ADAM7: variants seen among roughly 807,000 people sequenced by gnomAD.
ADAM7 encodes the protein disintegrin and metalloproteinase domain-containing protein 7.
A neutral mutation model predicts 102.9 loss-of-function variants in ADAM7; 97 were observed. That is an observed-to-expected ratio of 0.94 (90% CI 0.80 to 1.12). ADAM7 has a LOEUF of 1.12. Among genes scored for constraint, ADAM7 ranks in the 50% most tolerant of loss-of-function variants. ADAM7 has a pLI of 0.00. For missense variants in ADAM7, 991 were observed against 908.7 expected (o/e 1.09, Z -1.16); for synonymous variants, 334 against 304.4 (o/e 1.10, Z -1.01).
chr8:24,500,533 G>A (rs890546234), intron 18 of ADAM7, among the ~76,000 whole-genome samples: 3 of 152,114 alleles, frequency 2.0e-5, no homozygotes, highest in African/African-American at 7.2e-5. Context: ...GTTATTAACT[G>A]ACAATCAAAA....
rs114562351 is a variant in ADAM7 at position 24,462,032 on chromosome 8, T to C, written c.234-1850T>C. On this transcript the variant is annotated intron_variant, in intron 3 of 21. Coordinates refer to ENST00000175238, the MANE Select transcript of ADAM7 (RefSeq NM_003817.4). ...TAGTTCAATGTTTCATGTTTCTTCA[T>C]TGTGTAAATTTGAATTATGAACTGA... is the stretch of plus-strand genomic sequence containing the variant. Among the ~76,000 whole-genome samples the C allele has an allele frequency of 5.8e-3, 890 of 152,334 alleles. 10 individuals are homozygous for C. The highest frequency in any genetic ancestry group is 0.02 in the African/African-American group (847 of 41,568).
rs1413397708 is a variant in ADAM7, at chr8:24,490,861, A to G, written c.1329A>G (p.Ala443=). ...TACTGAAGCCAGGATTTACTTGTGC[A>G]GAAGGAGAATGCTGTGAATCTTGTC... ...TCVLKPGFTC[A]EGECCESCQI... The change falls in exon 13 of 22, where the codon GCA becomes GCG. Residue 443 remains alanine (A), a synonymous_variant. Coordinates refer to ENST00000175238, the MANE Select transcript of ADAM7 (RefSeq NM_003817.4). 5 of 1,613,696 alleles carry G rather than the reference A, an allele frequency of 3.1e-6. No individual in the cohort carries two copies. The highest frequency in any genetic ancestry group is 4.2e-6 in the Non-Finnish European group (5 of 1,179,764).
At chr8:24,490,565 T>A (rs889302588) in intron 12 of ADAM7, 1 of 464,204 alleles carries the variant, frequency 2.2e-6, no homozygotes, top group East Asian at 3.6e-5. Flanking sequence ...GACTCTCTAA[T>A]TCTGTCAATG....
chr8:24,487,323 A>T lies in ADAM7; in HGVS notation c.1091+6A>T, dbSNP rs773429892. 2 of 1,613,206 alleles carry T rather than the reference A, an allele frequency of 1.2e-6. No individual in the cohort carries two copies. The highest frequency in any genetic ancestry group is 1.7e-6 in the Non-Finnish European group (2 of 1,179,542). On this transcript the variant is annotated splice_donor_region_variant and intron_variant, in intron 11 of 21. Transcript: ENST00000175238. ...GTGATGGACAGTGATGGAAGGTGAG[A>T]TTCGAACAATGTACAGAATACACTT...
intron 2 of ADAM7, among the ~76,000 whole-genome samples, chr8:24,445,673 A>C (rs1818530262): frequency 6.6e-6 from 1 of 152,200 alleles, no homozygotes; most frequent in Non-Finnish European, 1.5e-5. Context: ...AAGTACTAAA[A>C]CACCATGCTT....
chr8:24,453,619 G>A (rs1485471825), intron 3 of ADAM7, among the ~76,000 whole-genome samples: 1 of 152,148 alleles, frequency 6.6e-6, no homozygotes, highest in African/African-American at 2.4e-5. Flanking sequence ...GCTCGGAGTA[G>A]TTTGATCGTC....
At chr8:24,444,676 G>A (rs2129371912) in intron 2 of ADAM7, among the ~76,000 whole-genome samples, 1 of 151,184 alleles carries the variant, frequency 6.6e-6, no homozygotes, top group African/African-American at 2.4e-5. Flanking sequence ...TAAAGGTCCA[G>A]ATCGTAAAAA....
intron 3 of ADAM7, among the ~76,000 whole-genome samples, chr8:24,454,358 C>T (rs6987087): frequency 0.021 from 3,138 of 151,168 alleles, 121 homozygotes; most frequent in African/African-American, 0.073. Context: ...TGGGCAATGG[C>T]GGGCGCCCCT....
At chr8:24,466,013 T>C (rs774096589) in intron 5 of ADAM7, among the ~76,000 whole-genome samples, 6 of 152,214 alleles carry the variant, frequency 3.9e-5, no homozygotes, top group Non-Finnish European at 7.3e-5. Flanking sequence ...GGATTCATAT[T>C]TGGAAGATTA....
chr8:24,460,761 GTGTGTGTA>G (rs1009430005), intron 3 of ADAM7, among the ~76,000 whole-genome samples: 3 of 132,886 alleles, frequency 2.3e-5, no homozygotes, highest in African/African-American at 1.1e-4. Flanking sequence ...ATGTGTGTGT[GTGTGTGTA>G]TATATATATA....
chr8:24,467,003 A>G lies in ADAM7; in HGVS notation c.579+15A>G. On this transcript the variant is annotated intron_variant, in intron 6 of 21. Transcript: ENST00000175238. Reference sequence around the variant, plus strand: ...CCAAAATAAAAGTGAGTACTTTATTATTATCTTTACCCCAAATGAAACACC... The same window carrying G: ...CCAAAATAAAAGTGAGTACTTTATTGTTATCTTTACCCCAAATGAAACACC... 6.3e-7 allele frequency: 1 copy of G among 1,596,830 alleles called. No individual in the cohort carries two copies. Among genetic ancestry groups the G allele is most frequent in the Non-Finnish European group, 8.6e-7 (1 of 1,167,444 alleles).
intron 3 of ADAM7, among the ~76,000 whole-genome samples, chr8:24,458,532 A>C (rs2129378723): frequency 6.6e-6 from 1 of 152,248 alleles, no homozygotes; most frequent in Middle Eastern, 3.4e-3. Context: ...TTAGTAAATG[A>C]ATTTATTGAT....
chr8:24,443,136 T>C (rs1227602736), intron 2 of ADAM7, among the ~76,000 whole-genome samples: 1 of 152,218 alleles, frequency 6.6e-6, no homozygotes, highest in Admixed American at 6.5e-5. Context: ...ATTTCCACTG[T>C]TATAAAAGAC....
chr8:24,451,809 A>C (rs1293642333), intron 3 of ADAM7, among the ~76,000 whole-genome samples: 95 of 149,134 alleles, frequency 6.4e-4, no homozygotes, highest in African/African-American at 2.1e-3. Context: ...TTCCCTCTAC[A>C]CACTGCTTTG....
intron 1 of ADAM7, among the ~76,000 whole-genome samples, chr8:24,441,889 G>A (rs749313665): frequency 7.9e-5 from 12 of 152,132 alleles, no homozygotes; most frequent in Non-Finnish European, 1.5e-4. Context: ...AACGACAACT[G>A]CAGGCCAGAC....
intron 3 of ADAM7, among the ~76,000 whole-genome samples, chr8:24,450,446 CTGTT>C (rs1818738905): frequency 6.6e-6 from 1 of 151,846 alleles, no homozygotes; most frequent in African/African-American, 2.4e-5. Context: ...ATTTGGCTCT[CTGTT>C]TGTCTGTTAT....
chr8:24,506,040 T>C, intron 20 of ADAM7: 1 of 1,297,490 alleles, frequency 7.7e-7, no homozygotes, highest in South Asian at 1.3e-5. Flanking sequence ...GGTCTTTCAG[T>C]ATTGGTATAT....
In ADAM7 at chr8:24,500,959, G is replaced by A. The variant is rs567529439; in HGVS notation, c.2108+64G>A. 171 of 1,355,996 alleles carry A rather than the reference G, an allele frequency of 1.3e-4. 1 individual carries two copies. The African/African-American group carries it at 2.1e-3, about 16-fold the overall frequency. The allele number at this position is 1,355,996 out of a possible 1,614,324, so 84.0% of individuals were successfully genotyped here. On this transcript the variant is annotated intron_variant, in intron 19 of 21. Coordinates refer to ENST00000175238, the MANE Select transcript of ADAM7 (RefSeq NM_003817.4). Reference sequence around the variant, plus strand: ...GTTACTGAGAATATGTAAGCTTTGTGGTTATAGAGGATATTCAATGGGGGG... The same window carrying A: ...GTTACTGAGAATATGTAAGCTTTGTAGTTATAGAGGATATTCAATGGGGGG...
Position 24,509,254 on chromosome 8 carries a change from A to T in ADAM7, c.*708A>T. The T allele has an allele frequency of 1.0e-6, 1 of 985,478 alleles. No homozygotes were observed. The highest frequency in any genetic ancestry group is 1.1e-4 in the East Asian group (1 of 8,804). 61.0% of individuals were successfully genotyped at this position (985,478 alleles called of 1,614,324 possible). On this transcript the variant is annotated 3_prime_UTR_variant, in exon 22 of 22. Coordinates refer to ENST00000175238, the MANE Select transcript of ADAM7 (RefSeq NM_003817.4). ...GAAAATTTACTCCAAGTGAGAGGAC[A>T]TACTCACAACTCCTATGAAGGGTTT...
Sources: allele counts gnomAD v4.1 joint callset (sites outside exome capture counted in the v4.1 genomes callset), GRCh38; gene constraint gnomAD v4.1.1; transcripts MANE v1.5; gene names NCBI Gene and HGNC (gene_info 2026-07-23, HGNC 2026-07-21).